MECOM: variants seen among roughly 807,000 people sequenced by gnomAD.
MECOM encodes MDS1 and EVI1 complex locus.
Under a neutral mutation model 116.3 loss-of-function variants are expected in MECOM, and 13 were observed. The observed-to-expected ratio is 0.11, with a 90% confidence interval of 0.07 to 0.18. The LOEUF is 0.18. MECOM is among the 10% of genes least tolerant of loss of function. The pLI is 1.00. For missense variants in MECOM, 1,299 were observed against 1,509.0 expected (o/e 0.86, Z 2.31); for synonymous variants, 528 against 535.2 (o/e 0.99, Z 0.19).
At chr3:169,168,337 C>CTTTTTTTTTT (rs1166736467) in intron 2 of MECOM, among the ~76,000 whole-genome samples, 19 of 108,450 alleles carry the variant, frequency 1.8e-4, no homozygotes, top group Middle Eastern at 5.4e-3. Context: ...ACTTGGCCTG[C>CTTTTTTTTTT]TTTTTTTTTT....
rs113506399 is a variant in MECOM at position 169,398,618 on chromosome 3, T to C, written c.38-17094A>G. 9.5e-3 allele frequency among the ~76,000 whole-genome samples: 1,454 copies of C among 152,302 alleles called. 5 individuals carry two copies. Among genetic ancestry groups the C allele is most frequent in the Middle Eastern group, 0.017 (5 of 294 alleles). ...TTGTGTCCATATATATCCTCTGGAA[T>C]GCGGCTTCCCTGTGTTGTTTTCTTT... On this transcript the variant is annotated intron_variant, in intron 1 of 16. Coordinates refer to ENST00000651503, the MANE Select transcript of MECOM (RefSeq NM_004991.4).
chr3:169,518,068 G>T (rs978550169), intron 1 of MECOM, among the ~76,000 whole-genome samples: 2 of 152,214 alleles, frequency 1.3e-5, no homozygotes, highest in East Asian at 1.9e-4. Flanking sequence ...GACCATCCTG[G>T]CTAACATGGT....
At chr3:169,482,265 T>C (rs747346390) in intron 1 of MECOM, among the ~76,000 whole-genome samples, 5 of 151,856 alleles carry the variant, frequency 3.3e-5, no homozygotes, top group Non-Finnish European at 5.9e-5. Context: ...TGTACTCGCC[T>C]GTGTCATTCA....
At chr3:169,086,575 A>C (rs1259650129) in intron 16 of MECOM, 1 of 701,470 alleles carries the variant, frequency 1.4e-6, no homozygotes, top group South Asian at 1.5e-5. Flanking sequence ...CCTATAAAAC[A>C]GATGATAGTA....
intron 1 of MECOM, among the ~76,000 whole-genome samples, chr3:169,661,228 C>G (rs1280443624): frequency 6.6e-6 from 1 of 152,072 alleles, no homozygotes; most frequent in Non-Finnish European, 1.5e-5. Context: ...GGCGCGAAGC[C>G]TTAAGCTTTC....
chr3:169,332,023 AG>A (rs1050267667), intron 2 of MECOM, among the ~76,000 whole-genome samples: 2 of 148,566 alleles, frequency 1.3e-5, no homozygotes, highest in African/African-American at 5.0e-5. Flanking sequence ...AAAAAAAAAA[AG>A]GATTATTGAG....
intron 2 of MECOM, among the ~76,000 whole-genome samples, chr3:169,192,477 G>A (rs150034004): frequency 2.0e-4 from 30 of 151,880 alleles, no homozygotes; most frequent in African/African-American, 7.0e-4. Context: ...CAAAATTATG[G>A]CAAATGTGCT....
intron 1 of MECOM, among the ~76,000 whole-genome samples, chr3:169,442,118 G>A (rs886775161): frequency 1.3e-5 from 2 of 152,042 alleles, no homozygotes; most frequent in Non-Finnish European, 2.9e-5. Context: ...TAGAGACAGG[G>A]TTTCACCATT....
chr3:169,099,999 A>G (rs1722975776), intron 12 of MECOM, among the ~76,000 whole-genome samples: 1 of 151,426 alleles, frequency 6.6e-6, no homozygotes, highest in African/African-American at 2.4e-5. Context: ...TTTCTATAAT[A>G]TACTCTATTT....
In MECOM at chr3:169,379,859, A is replaced by G. The variant is rs142907150; in HGVS notation, c.375+1328T>C. Among the ~76,000 whole-genome samples the G allele has an allele frequency of 3.8e-4, 58 of 152,266 alleles. 1 individual carries two copies. The East Asian group carries it at 9.8e-3, about 26-fold the overall frequency. ...ACGCATTTGGTTTAAAACGTATTCA[A>G]CTCACATATCAGTTAATGCTACAGT... On this transcript the variant is annotated intron_variant, in intron 2 of 16. Coordinates refer to ENST00000651503, the MANE Select transcript of MECOM (RefSeq NM_004991.4).
chr3:169,209,578 A>G lies in MECOM; in HGVS notation c.376-65746T>C, dbSNP rs191226401. On this transcript the variant is annotated intron_variant, in intron 2 of 16. Coordinates refer to ENST00000651503, the MANE Select transcript of MECOM (RefSeq NM_004991.4). Reference sequence around the variant, plus strand: ...ACAGACAACTCAAAATAAGACATTTATGTGGCTAACAAACATAGGAAAAAA... The same window carrying G: ...ACAGACAACTCAAAATAAGACATTTGTGTGGCTAACAAACATAGGAAAAAA... 2.1e-4 allele frequency among the ~76,000 whole-genome samples: 32 copies of G among 152,330 alleles called. 1 individual carries two copies. Among genetic ancestry groups the G allele is most frequent in the African/African-American group, 7.0e-4 (29 of 41,582 alleles).
intron 2 of MECOM, among the ~76,000 whole-genome samples, chr3:169,240,457 G>A (rs1403052471): frequency 1.3e-5 from 2 of 152,118 alleles, no homozygotes; most frequent in Non-Finnish European, 2.9e-5. Flanking sequence ...AATTAAAATA[G>A]GACATCACTA....
At chr3:169,472,088 G>A (rs1394465651) in intron 1 of MECOM, among the ~76,000 whole-genome samples, 2 of 151,894 alleles carry the variant, frequency 1.3e-5, no homozygotes, top group Non-Finnish European at 2.9e-5. Flanking sequence ...AAGTGCTTGA[G>A]GTGATGGATA....
intron 1 of MECOM, among the ~76,000 whole-genome samples, chr3:169,405,317 T>A (rs116127950): frequency 0.014 from 2,059 of 152,128 alleles, 21 homozygotes; most frequent in Middle Eastern, 0.044. Context: ...CTGCATAAGA[T>A]AAAGGCACAA....
chr3:169,630,801 T>C (rs1771992779), intron 1 of MECOM, among the ~76,000 whole-genome samples: 3 of 152,220 alleles, frequency 2.0e-5, no homozygotes, highest in South Asian at 4.1e-4. Context: ...TTCTCTACCA[T>C]GTACTCAGCA....
chr3:169,300,452 T>G (rs1372869909), intron 2 of MECOM, among the ~76,000 whole-genome samples: 1 of 152,220 alleles, frequency 6.6e-6, no homozygotes, highest in Non-Finnish European at 1.5e-5. Flanking sequence ...TCACAACATT[T>G]TAGTTAACCC....
intron 1 of MECOM, among the ~76,000 whole-genome samples, chr3:169,563,612 C>T (rs751307525): frequency 6.6e-6 from 1 of 152,048 alleles, no homozygotes; most frequent in African/African-American, 2.4e-5. Context: ...CTGAATATCC[C>T]GGAAGCTTTT....
chr3:169,381,359 A>T lies in MECOM; in HGVS notation c.203T>A (p.Ile68Asn), dbSNP rs1732353367. 2.5e-6 allele frequency: 4 copies of T among 1,613,898 alleles called. No homozygotes were observed. The East Asian group carries it at 8.9e-5, about 36-fold the overall frequency. The change falls in exon 2 of 17, where the codon ATC becomes AAC. Residue 68 changes from isoleucine to asparagine, a missense_variant. Physicochemically the swap from Ile to Asn is moderately radical, Grantham distance 149 (BLOSUM62 -3). Transcript: ENST00000651503. ...AATGGGGATATCATCAGGGATGTAGATGGGGGCTTTGTAAGGAGAACCCTC... is the reference window on the plus strand; with the variant it reads ...AATGGGGATATCATCAGGGATGTAGTTGGGGGCTTTGTAAGGAGAACCCTC... ...PKEGSPYKAP[I>N]YIPDDIPIPA...
rs566971027 is a variant in MECOM at position 169,195,476 on chromosome 3, C to T, written c.376-51644G>A. On this transcript the variant is annotated intron_variant, in intron 2 of 16. Transcript: ENST00000651503. The stretch of plus-strand genomic sequence containing the variant: ...TAAGAAACAGCATACAATTTTATAA[C>T]GGAAAAAGGTGATAATTTTGACTAG... 5.3e-5 allele frequency among the ~76,000 whole-genome samples: 8 copies of T among 152,146 alleles called. 1 individual carries two copies. The South Asian group carries it at 6.2e-4, about 12-fold the overall frequency.
Sources: allele counts gnomAD v4.1 joint callset (sites outside exome capture counted in the v4.1 genomes callset), GRCh38; gene constraint gnomAD v4.1.1; transcripts MANE v1.5; gene names NCBI Gene and HGNC (gene_info 2026-07-23, HGNC 2026-07-21).